Variants in GRIK3 observed in about 807,000 individuals in gnomAD.
GRIK3 encodes the protein glutamate receptor ionotropic, kainate 3.
Under a neutral mutation model 102.5 loss-of-function variants are expected in GRIK3, and 29 were observed. The observed-to-expected ratio is 0.28, with a 90% CI of 0.21 to 0.39. GRIK3 has a LOEUF of 0.39. GRIK3 is among the 10% of genes least tolerant of loss of function. GRIK3 has a pLI of 1.00. For synonymous variants in GRIK3, 511 were observed against 504.9 expected (o/e 1.01, Z -0.16); for missense variants, 908 against 1,252.4 (o/e 0.73, Z 4.15).
chr1:36,985,575 G>A (rs563510164), intron 1 of GRIK3, among the ~76,000 whole-genome samples: 1 of 152,262 alleles, frequency 6.6e-6, no homozygotes, highest in South Asian at 2.1e-4. Flanking sequence ...GTGGGCACTG[G>A]TCCATCCCCA....
chr1:37,014,834 C>CTCTTTTCTTT (rs199882166), intron 1 of GRIK3, among the ~76,000 whole-genome samples: 16,604 of 147,448 alleles, frequency 0.11, 1,113 homozygotes, highest in East Asian at 0.26. Flanking sequence ...GCCATTTAGC[C>CTCTTTTCTTT]TCTTTTCTTA....
intron 10 of GRIK3, among the ~76,000 whole-genome samples, chr1:36,841,157 C>T (rs181969597): frequency 3.9e-5 from 6 of 152,274 alleles, no homozygotes; most frequent in East Asian, 3.9e-4. Context: ...CACCCCCTCA[C>T]CTGCCTGCTT....
intron 5 of GRIK3, among the ~76,000 whole-genome samples, chr1:36,862,853 G>A (rs896625080): frequency 6.6e-6 from 1 of 152,218 alleles, no homozygotes; most frequent in Non-Finnish European, 1.5e-5. Flanking sequence ...CAAACATCAT[G>A]TATGTGTTTG....
chr1:36,981,700 G>A (rs1259310760), intron 1 of GRIK3, among the ~76,000 whole-genome samples: 1 of 151,958 alleles, frequency 6.6e-6, no homozygotes, highest in Non-Finnish European at 1.5e-5. Context: ...AGGGGGCTGA[G>A]TCATGTGTCT....
intron 9 of GRIK3, among the ~76,000 whole-genome samples, chr1:36,848,348 C>T (rs953065614): frequency 2.0e-5 from 3 of 152,140 alleles, no homozygotes; most frequent in Non-Finnish European, 2.9e-5. Flanking sequence ...CTTAAATCAT[C>T]CTAGTTTTAC....
intron 1 of GRIK3, among the ~76,000 whole-genome samples, chr1:36,935,903 G>A (rs932185979): frequency 2.0e-5 from 3 of 152,162 alleles, no homozygotes; most frequent in African/African-American, 7.2e-5. Flanking sequence ...AAGACTTGCC[G>A]CCCCGACTCC....
At position 36,800,206 on chromosome 1, in the gene GRIK3, A is replaced by C. The variant is rs1352147400; in HGVS notation, c.*1645T>G. 6.6e-6 allele frequency: 1 copy of C among 152,196 alleles called. No individual in the cohort carries two copies. Among genetic ancestry groups the C allele is most frequent in the Non-Finnish European group, 1.5e-5 (1 of 68,052 alleles). The allele number at this position is 152,196 out of a possible 1,614,324, so 9.4% of individuals were successfully genotyped here. ...AGCTCTTCCCTAACCGGGCTTCCCA[A>C]GCAGCATGGGACAGAGGTGGGAGGG... On this transcript the variant is annotated 3_prime_UTR_variant, in exon 16 of 16. Coordinates refer to ENST00000373091, the MANE Select transcript of GRIK3 (RefSeq NM_000831.4).
intron 1 of GRIK3, among the ~76,000 whole-genome samples, chr1:36,895,046 G>A (rs549108072): frequency 1.3e-5 from 2 of 152,102 alleles, no homozygotes; most frequent in Non-Finnish European, 2.9e-5. Context: ...TGTGTGTTGC[G>A]GGGGAGGTGG....
intron 1 of GRIK3, among the ~76,000 whole-genome samples, chr1:37,025,917 C>G (rs956099365): frequency 6.6e-6 from 1 of 152,190 alleles, no homozygotes; most frequent in African/African-American, 2.4e-5. Flanking sequence ...GGATCTCACT[C>G]CATTTCATCA....
At chr1:36,889,961 G>T (rs1311675505) in intron 2 of GRIK3, among the ~76,000 whole-genome samples, 1 of 152,136 alleles carries the variant, frequency 6.6e-6, no homozygotes, top group Non-Finnish European at 1.5e-5. Context: ...CGGGCAGAGG[G>T]TGTTAGCATA....
At position 36,992,353 on chromosome 1, in the gene GRIK3, C is replaced by T. The variant is rs181343254; in HGVS notation, c.115+41641G>A. Among the ~76,000 whole-genome samples the T allele has an allele frequency of 2.7e-3, 406 of 152,152 alleles. 4 individuals carry two copies. The highest frequency in any genetic ancestry group is 0.024 in the Admixed American group (362 of 15,272). On this transcript the variant is annotated intron_variant, in intron 1 of 15. Coordinates refer to ENST00000373091, the MANE Select transcript of GRIK3 (RefSeq NM_000831.4). Reference sequence around the variant, plus strand: ...GTGGGTGGGATGGTGGGGTCATAGACGCCCACCTTGGGAAATCAGACAGCC... The same window carrying T: ...GTGGGTGGGATGGTGGGGTCATAGATGCCCACCTTGGGAAATCAGACAGCC...
intron 12 of GRIK3, 100 bp from the exon 13 acceptor site, chr1:36,817,377 A>G: frequency 1.2e-6 from 1 of 803,446 alleles, no homozygotes; most frequent in Non-Finnish European, 2.1e-6. Flanking sequence ...AATGAAAGCT[A>G]AGGCCCTTTC....
intron 8 of GRIK3, among the ~76,000 whole-genome samples, chr1:36,852,300 G>A (rs1421355029): frequency 6.6e-6 from 1 of 152,214 alleles, no homozygotes; most frequent in Non-Finnish European, 1.5e-5. Context: ...TGTGGCCACA[G>A]GTACAAGGAG....
chr1:36,870,452 A>T (rs1483568625), intron 4 of GRIK3, among the ~76,000 whole-genome samples: 1 of 152,246 alleles, frequency 6.6e-6, no homozygotes, highest in Non-Finnish European at 1.5e-5. Flanking sequence ...TAATGACTAT[A>T]ATGCATTTTC....
chr1:36,964,517 G>C (rs1642059692), intron 1 of GRIK3, among the ~76,000 whole-genome samples: 1 of 152,192 alleles, frequency 6.6e-6, no homozygotes, highest in South Asian at 2.1e-4. Flanking sequence ...AATCAGCATG[G>C]ACCAGGGCTC....
intron 1 of GRIK3, among the ~76,000 whole-genome samples, chr1:36,921,423 GATGA>G (rs1295295981): frequency 6.6e-6 from 1 of 152,150 alleles, no homozygotes; most frequent in African/African-American, 2.4e-5. Context: ...ACTACTGAAG[GATGA>G]TTATGATGGT....
At chr1:36,956,188 C>T (rs1474756258) in intron 1 of GRIK3, among the ~76,000 whole-genome samples, 1 of 152,188 alleles carries the variant, frequency 6.6e-6, no homozygotes, top group Non-Finnish European at 1.5e-5. Flanking sequence ...CAGCAAATGG[C>T]TGAGCCAGGG....
chr1:36,961,881 C>A (rs530044974), intron 1 of GRIK3, among the ~76,000 whole-genome samples: 1 of 152,172 alleles, frequency 6.6e-6, no homozygotes, highest in Admixed American at 6.5e-5. Context: ...GGACAACCAA[C>A]CACCCTTGCT....
At chr1:36,934,618 A>G (rs534331935) in intron 1 of GRIK3, among the ~76,000 whole-genome samples, 2 of 152,274 alleles carry the variant, frequency 1.3e-5, no homozygotes, top group Admixed American at 6.5e-5. Flanking sequence ...CTTATTACAA[A>G]TAGTAATTAG....
Sources: gnomAD v4.1 joint callset for allele counts (sites outside exome capture counted in the v4.1 genomes callset) on GRCh38, gnomAD v4.1.1 for gene constraint, MANE v1.5 for transcripts, NCBI Gene and HGNC (gene_info 2026-07-23, HGNC 2026-07-21) for gene names.